The following ITPR1 variants were observed in gnomAD, a reference collection of about 807,000 sequenced individuals.
ITPR1 encodes the protein inositol 1,4,5-trisphosphate receptor type 1.
Under a neutral mutation model 318.4 loss-of-function variants are expected in ITPR1, and 96 were observed. That is an observed-to-expected ratio of 0.30 (90% CI 0.26 to 0.36). The LOEUF is 0.36. Ranked by LOEUF, ITPR1 falls within the 10% of genes least tolerant of loss-of-function variation. The pLI, the probability that ITPR1 is intolerant of heterozygous loss-of-function variation, is 1.00. For synonymous variants in ITPR1, 1,312 were observed against 1,289.9 expected (o/e 1.02, Z -0.37); for missense variants, 2,440 against 3,460.2 (o/e 0.71, Z 7.40).
At chr3:4,665,411 T>G in intron 17 of ITPR1, 115 bp downstream of exon 17, 1 of 946,114 alleles carries the variant, frequency 1.1e-6, no homozygotes, top group Non-Finnish European at 1.6e-6. Context: ...GCAGAATAGT[T>G]CAGTGTTGAG....
chr3:4,693,047 C>T (rs1358607899), intron 32 of ITPR1, among the ~76,000 whole-genome samples: 2 of 152,174 alleles, frequency 1.3e-5, no homozygotes, highest in African/African-American at 4.8e-5. Context: ...TTGAACCAAC[C>T]TGGGAGGCGG....
intron 40 of ITPR1, among the ~76,000 whole-genome samples, chr3:4,719,931 G>A (rs2042030181): frequency 6.6e-6 from 1 of 152,150 alleles, no homozygotes; most frequent in Admixed American, 6.5e-5. Context: ...CAGATGGGGT[G>A]GAGGAGAGAG....
chr3:4,688,860 G>C (rs1338652785), intron 31 of ITPR1, among the ~76,000 whole-genome samples: 2 of 152,200 alleles, frequency 1.3e-5, no homozygotes, highest in African/African-American at 4.8e-5. Flanking sequence ...TAAGATACGT[G>C]TCTATATTTT....
At chr3:4,708,304 G>A (rs1036725489) in intron 37 of ITPR1, among the ~76,000 whole-genome samples, 5 of 152,098 alleles carry the variant, frequency 3.3e-5, no homozygotes, top group Non-Finnish European at 4.4e-5. Context: ...AGGGAGAGTC[G>A]TATTAGATGG....
chr3:4,600,050 G>T (rs2091151116), intron 4 of ITPR1, among the ~76,000 whole-genome samples: 1 of 152,276 alleles, frequency 6.6e-6, no homozygotes, highest in South Asian at 2.1e-4. Flanking sequence ...TCCTAGCATT[G>T]TATGTACAAA....
intron 2 of ITPR1, among the ~76,000 whole-genome samples, chr3:4,506,782 A>G (rs1341717309): frequency 6.6e-6 from 1 of 152,222 alleles, no homozygotes; most frequent in East Asian, 1.9e-4. Flanking sequence ...ATCCTGTTAT[A>G]TAAAGTTTCC....
At chr3:4,623,687 A>G (rs955054226) in intron 4 of ITPR1, among the ~76,000 whole-genome samples, 4 of 152,218 alleles carry the variant, frequency 2.6e-5, no homozygotes, top group African/African-American at 9.6e-5. Context: ...GAACCTGCAA[A>G]TTGCAAAATT....
At chr3:4,815,538 T>A (rs746457631) in intron 59 of ITPR1, among the ~76,000 whole-genome samples, 7 of 152,170 alleles carry the variant, frequency 4.6e-5, no homozygotes, top group Non-Finnish European at 8.8e-5. Context: ...TGTCCTTCTC[T>A]GCATTATTGT....
chr3:4,538,970 C>T (rs921457949), intron 4 of ITPR1, among the ~76,000 whole-genome samples: 8 of 152,112 alleles, frequency 5.3e-5, no homozygotes, highest in Admixed American at 2.6e-4. Context: ...TAGCAAACCA[C>T]CATGACACAT....
chr3:4,506,564 C>T (rs578220353), intron 2 of ITPR1, among the ~76,000 whole-genome samples: 4 of 152,232 alleles, frequency 2.6e-5, no homozygotes, highest in African/African-American at 9.6e-5. Context: ...CTGTTTGTTT[C>T]CTGTCTGTCT....
At chr3:4,819,448 T>A (rs557166863) in intron 60 of ITPR1, among the ~76,000 whole-genome samples, 1 of 152,336 alleles carries the variant, frequency 6.6e-6, no homozygotes, top group Non-Finnish European at 1.5e-5. Context: ...ATATTCTGCA[T>A]TTCCAACAAC....
chr3:4,771,523 A>C (rs2046183408), intron 46 of ITPR1, among the ~76,000 whole-genome samples: 1 of 152,050 alleles, frequency 6.6e-6, no homozygotes, highest in African/African-American at 2.4e-5. Context: ...GTAAGGCTTT[A>C]ATTGCACAGG....
chr3:4,695,623 T>C (rs1017706463), intron 33 of ITPR1, among the ~76,000 whole-genome samples: 2 of 152,228 alleles, frequency 1.3e-5, no homozygotes, highest in African/African-American at 4.8e-5. Flanking sequence ...GTTGCTTTTC[T>C]GTATACATCC....
chr3:4,729,540 G>A (rs976252355), intron 42 of ITPR1, among the ~76,000 whole-genome samples: 1 of 152,178 alleles, frequency 6.6e-6, no homozygotes, highest in Non-Finnish European at 1.5e-5. Context: ...CGAAAGGTCA[G>A]TTCTCTCTCT....
intron 26 of ITPR1, 57 bp from the exon 27 acceptor site, chr3:4,683,329 G>A: frequency 6.3e-7 from 1 of 1,584,688 alleles, no homozygotes; most frequent in Admixed American, 1.7e-5. Flanking sequence ...GGCCCAAGGG[G>A]CGTGAGAGGA....
At chr3:4,749,456 A>G (rs1455640780) in intron 44 of ITPR1, 2 of 152,198 alleles carry the variant, frequency 1.3e-5, no homozygotes, top group Non-Finnish European at 2.9e-5. Flanking sequence ...GATACATAAT[A>G]CATTGAAAAC....
At chr3:4,744,236 C>T (rs907091094) in intron 44 of ITPR1, among the ~76,000 whole-genome samples, 1 of 152,204 alleles carries the variant, frequency 6.6e-6, no homozygotes, top group Non-Finnish European at 1.5e-5. Context: ...CAGAGAAGAC[C>T]TGGAAATTTT....
chr3:4,738,154 C>CTTA (rs1471654523), intron 44 of ITPR1, among the ~76,000 whole-genome samples: 10 of 151,938 alleles, frequency 6.6e-5, no homozygotes, highest in Non-Finnish European at 1.5e-4. Flanking sequence ...TGTGATAAAC[C>CTTA]CCAGTGACAC....
intron 44 of ITPR1, among the ~76,000 whole-genome samples, chr3:4,746,722 C>T (rs1030040999): frequency 5.9e-5 from 9 of 152,188 alleles, no homozygotes; most frequent in African/African-American, 1.2e-4. Flanking sequence ...AGTGTGGATA[C>T]TCCTACTGTA....
Sources: gnomAD v4.1 joint callset for allele counts (sites outside exome capture counted in the v4.1 genomes callset) on GRCh38, gnomAD v4.1.1 for gene constraint, MANE v1.5 for transcripts, NCBI Gene and HGNC (gene_info 2026-07-23, HGNC 2026-07-21) for gene names.